Variants in SLC2A13 observed in about 807,000 individuals in gnomAD.
SLC2A13 encodes proton myo-inositol cotransporter.
Under a neutral mutation model 64.4 loss-of-function variants are expected in SLC2A13, and 32 were observed. The ratio of observed to expected loss-of-function variants is 0.50; its 90% CI spans 0.37 to 0.67. The LOEUF (loss-of-function observed/expected upper bound fraction) is 0.67. SLC2A13 is among the 30% of genes least tolerant of loss of function. The pLI is 0.00. For synonymous variants in SLC2A13, 338 were observed against 327.1 expected, an observed-to-expected ratio of 1.03 and a Z score of -0.36; for missense variants, 743 against 829.2, an observed-to-expected ratio of 0.90 and a Z score of 1.28.
intron 4 of SLC2A13, among the ~76,000 whole-genome samples, chr12:39,875,192 C>G (rs964889939): frequency 6.6e-6 from 1 of 152,210 alleles, no homozygotes; most frequent in Non-Finnish European, 1.5e-5. Flanking sequence ...GGTCAAAAAT[C>G]ACAGGTGTCA....
At chr12:39,832,555 T>C (rs926868513) in intron 6 of SLC2A13, among the ~76,000 whole-genome samples, 2 of 151,996 alleles carry the variant, frequency 1.3e-5, no homozygotes, top group Admixed American at 1.3e-4. Flanking sequence ...CTTCCCACTT[T>C]TCCTGCTTGC....
intron 7 of SLC2A13, among the ~76,000 whole-genome samples, chr12:39,791,178 T>C (rs1941390329): frequency 6.6e-6 from 1 of 151,876 alleles, no homozygotes; most frequent in Non-Finnish European, 1.5e-5. Context: ...CAACAACCCT[T>C]CATGCTAAAA....
At chr12:40,086,236 A>G (rs1456311033) in intron 1 of SLC2A13, among the ~76,000 whole-genome samples, 1 of 152,140 alleles carries the variant, frequency 6.6e-6, no homozygotes, top group East Asian at 1.9e-4. Context: ...ATGCATTGGC[A>G]ATCAGAATGC....
Position 39,837,109 on chromosome 12 carries a change from C to A in SLC2A13, c.1320-6881G>T, listed in dbSNP as rs1401370420. ...AAACTATACTACAAGGCTACAGTAA[C>A]CAAAACAGCATGGTACTGGTACCAA... On this transcript the variant is annotated intron_variant, in intron 6 of 9. Coordinates refer to ENST00000280871, the MANE Select transcript of SLC2A13 (RefSeq NM_052885.4). Among the ~76,000 whole-genome samples the A allele has an allele frequency of 8.9e-3, 898 of 100,588 alleles. 8 individuals carry two copies. Among genetic ancestry groups the A allele is most frequent in the African/African-American group, 0.037 (816 of 22,354 alleles). 66.0% of individuals were successfully genotyped at this position (100,588 alleles called of 152,430 possible).
chr12:39,780,567 A>G (rs1445491383), intron 7 of SLC2A13, among the ~76,000 whole-genome samples: 3 of 152,228 alleles, frequency 2.0e-5, no homozygotes, highest in Non-Finnish European at 4.4e-5. Flanking sequence ...CTTTTGACTC[A>G]GTATCCATTT....
intron 1 of SLC2A13, among the ~76,000 whole-genome samples, chr12:40,060,166 AAC>A (rs1328999564): frequency 1.3e-5 from 2 of 152,128 alleles, no homozygotes; most frequent in African/African-American, 4.8e-5. Context: ...GACATATAGT[AAC>A]ACAGACATAT....
chr12:40,083,400 T>C (rs28365171), intron 1 of SLC2A13, among the ~76,000 whole-genome samples: 3 of 152,208 alleles, frequency 2.0e-5, no homozygotes, highest in African/African-American at 4.8e-5. Flanking sequence ...GGGACTGTCC[T>C]TGCAGCATAC....
chr12:40,042,183 A>T (rs1948100207), intron 2 of SLC2A13, among the ~76,000 whole-genome samples: 1 of 152,256 alleles, frequency 6.6e-6, no homozygotes, highest in Non-Finnish European at 1.5e-5. Context: ...TAGCACAACC[A>T]GACATTTAAC....
chr12:39,820,544 A>G (rs1215152948), intron 7 of SLC2A13, among the ~76,000 whole-genome samples: 2 of 151,972 alleles, frequency 1.3e-5, no homozygotes, highest in African/African-American at 4.8e-5. Context: ...AGTAGGAAGG[A>G]CCTGGATACC....
intron 1 of SLC2A13, among the ~76,000 whole-genome samples, chr12:40,070,986 G>A (rs1249383409): frequency 1.3e-5 from 2 of 152,146 alleles, no homozygotes; most frequent in Non-Finnish European, 2.9e-5. Context: ...GGACTTCAAG[G>A]TGGGGATTAG....
At chr12:39,814,848 TA>T (rs1190660841) in intron 7 of SLC2A13, among the ~76,000 whole-genome samples, 5 of 152,094 alleles carry the variant, frequency 3.3e-5, no homozygotes, top group Non-Finnish European at 7.4e-5. Context: ...CAATTATGCA[TA>T]TTTCACAATA....
chr12:39,879,230 C>T (rs572382107), intron 4 of SLC2A13, among the ~76,000 whole-genome samples: 1 of 152,350 alleles, frequency 6.6e-6, no homozygotes, highest in African/African-American at 2.4e-5. Context: ...CACAGAGAAC[C>T]CCTACTAGGG....
chr12:39,986,254 ATTGGGGTGGGGAG>A (rs1188323018), intron 3 of SLC2A13, among the ~76,000 whole-genome samples: 1 of 152,018 alleles, frequency 6.6e-6, no homozygotes, highest in African/African-American at 2.4e-5. Context: ...CAATATATGA[ATTGGGGTGGGGAG>A]TAGGGACACA....
chr12:39,921,278 G>T (rs1206350986), intron 4 of SLC2A13, among the ~76,000 whole-genome samples: 3 of 152,052 alleles, frequency 2.0e-5, no homozygotes, highest in Admixed American at 6.6e-5. Flanking sequence ...GCTAGAAAAT[G>T]ATGATCTTCA....
chr12:39,896,435 T>A (rs1033633659), intron 4 of SLC2A13, among the ~76,000 whole-genome samples: 1 of 143,664 alleles, frequency 7.0e-6, no homozygotes, highest in Admixed American at 7.1e-5. Flanking sequence ...TATATATGTA[T>A]ACATATATGT....
At chr12:40,035,938 A>AC (rs1351534387) in intron 2 of SLC2A13, among the ~76,000 whole-genome samples, 2 of 152,232 alleles carry the variant, frequency 1.3e-5, no homozygotes, top group African/African-American at 4.8e-5. Flanking sequence ...ATGGTAAAAT[A>AC]CGTTAAGACC....
In SLC2A13 at chr12:39,976,318, CATGGT is replaced by C. The variant is rs1265916952; in HGVS notation, c.926-24958_926-24954del. 3.3e-5 allele frequency among the ~76,000 whole-genome samples: 5 copies of C among 152,336 alleles called. No homozygotes were observed. The East Asian group carries it at 9.6e-4, about 29-fold the overall frequency. On this transcript the variant is annotated intron_variant, in intron 3 of 9. Coordinates refer to ENST00000280871, the MANE Select transcript of SLC2A13 (RefSeq NM_052885.4). ...ATGGTAGGCTCCAAGATAAATTAGA[CATGGT>C]CCTTGATGTCAAGAAACACAATGGT...
intron 6 of SLC2A13, among the ~76,000 whole-genome samples, chr12:39,856,003 G>T (rs895707487): frequency 1.3e-5 from 2 of 152,170 alleles, no homozygotes; most frequent in African/African-American, 4.8e-5. Context: ...GGGTCTACTA[G>T]CATGCCCATA....
At chr12:40,084,483 G>T (rs934785428) in intron 1 of SLC2A13, among the ~76,000 whole-genome samples, 1 of 152,020 alleles carries the variant, frequency 6.6e-6, no homozygotes, top group Non-Finnish European at 1.5e-5. Flanking sequence ...GCTTACTCAC[G>T]GGGCTGGCTC....
Sources: allele counts gnomAD v4.1 joint callset (sites outside exome capture counted in the v4.1 genomes callset), GRCh38; gene constraint gnomAD v4.1.1; transcripts MANE v1.5; gene names NCBI Gene and HGNC (gene_info 2026-07-23, HGNC 2026-07-21).